SPATA6: variants seen among roughly 807,000 people sequenced by gnomAD.
SPATA6 encodes the protein spermatogenesis associated 6, also known as spermatogenesis-associated protein 6.
SPATA6 carries 56 observed loss-of-function variants against 65.3 expected under a neutral mutation model. That is an observed-to-expected ratio of 0.86 (90% CI 0.69 to 1.07). The LOEUF (loss-of-function observed/expected upper bound fraction) is 1.07, where lower values mean the gene tolerates loss of function less well. Ranked by LOEUF, SPATA6 falls within the 50% of genes least tolerant of loss-of-function variation. SPATA6 has a pLI of 0.00. For missense variants in SPATA6, 590 were observed against 594.8 expected, an observed-to-expected ratio of 0.99 and a Z score of 0.08; for synonymous variants, 199 against 213.2, an observed-to-expected ratio of 0.93 and a Z score of 0.58.
At chr1:48,347,586 T>C (rs1002412364) in intron 11 of SPATA6, among the ~76,000 whole-genome samples, 2 of 149,988 alleles carry the variant, frequency 1.3e-5, no homozygotes, top group African/African-American at 2.4e-5. Flanking sequence ...AAAGTATATA[T>C]TTTAACTTTG....
At chr1:48,469,474 A>T (rs1219412544) in intron 1 of SPATA6, among the ~76,000 whole-genome samples, 11 of 642 alleles carry the variant, frequency 0.017, no homozygotes, top group Non-Finnish European at 0.056. Context: ...ATATCTATTT[A>T]TATATATATA....
At chr1:48,360,938 G>A (rs998143039) in intron 9 of SPATA6, among the ~76,000 whole-genome samples, 3 of 152,042 alleles carry the variant, frequency 2.0e-5, no homozygotes, top group Non-Finnish European at 4.4e-5. Context: ...AGAAGGGTTG[G>A]GTTTGTATGA....
intron 12 of SPATA6, among the ~76,000 whole-genome samples, chr1:48,299,578 A>G (rs1401359937): frequency 6.6e-6 from 1 of 150,412 alleles, no homozygotes; most frequent in Admixed American, 6.7e-5. Context: ...CTGAAACTGA[A>G]TTCCAGCTCA....
At chr1:48,446,630 T>C (rs1211293593) in intron 3 of SPATA6, among the ~76,000 whole-genome samples, 2 of 152,182 alleles carry the variant, frequency 1.3e-5, no homozygotes, top group African/African-American at 4.8e-5. Context: ...GAAAGAAGAT[T>C]GAATTTGGTT....
Position 48,389,773 on chromosome 1 carries a change from G to C in SPATA6, c.869-4424C>G, listed in dbSNP as rs150360113. Among the ~76,000 whole-genome samples the C allele has an allele frequency of 2.8e-3, 427 of 152,238 alleles. 1 individual carries two copies. Among genetic ancestry groups the C allele is most frequent in the Non-Finnish European group, 3.5e-3 (237 of 68,016 alleles). ...CATCACCAGTAAGCCAGCCCTACAA[G>C]ATGTGATCAAGGGAACTCTAAACCT... On this transcript the variant is annotated intron_variant, in intron 8 of 12. Coordinates refer to ENST00000371847, the MANE Select transcript of SPATA6 (RefSeq NM_019073.4).
intron 5 of SPATA6, among the ~76,000 whole-genome samples, chr1:48,406,403 A>C (rs1651709026): frequency 6.6e-6 from 1 of 152,226 alleles, no homozygotes; most frequent in Non-Finnish European, 1.5e-5. Context: ...AATACTTTTT[A>C]GAATAACATC....
chr1:48,264,249 A>G, the SPATA6 span, among the ~76,000 whole-genome samples: 87,185 of 151,996 alleles, frequency 0.57, 26,139 homozygotes, highest in East Asian at 0.79. Context: ...TGGGGGAAGA[A>G]GACAAAATTT....
chr1:48,283,240 G>C, the SPATA6 span, among the ~76,000 whole-genome samples: 1 of 150,768 alleles, frequency 6.6e-6, no homozygotes, highest in Non-Finnish European at 1.5e-5. Flanking sequence ...GCTAAATGAC[G>C]AGTTGATGGG....
chr1:48,263,805 C>T, the SPATA6 span, among the ~76,000 whole-genome samples: 4 of 152,132 alleles, frequency 2.6e-5, no homozygotes, highest in African/African-American at 9.7e-5. Flanking sequence ...TCTGTGAGAA[C>T]ATTTAAGAAG....
rs553989011 is a variant in SPATA6, at chr1:48,397,590, T to C, written c.780+1761A>G. Among the ~76,000 whole-genome samples the C allele has an allele frequency of 3.3e-5, 5 of 151,828 alleles. No individual in the cohort carries two copies. In the East Asian group the frequency reaches 9.6e-4, roughly 29 times the overall value. On this transcript the variant is annotated intron_variant, in intron 7 of 12. Transcript: ENST00000371847. ...TTCATACCATGTACATTGACTACAA[T>C]GTCTTTCCTAAAAGTGTTACATTTT... is the stretch of plus-strand genomic sequence containing the variant.
the SPATA6 span, among the ~76,000 whole-genome samples, chr1:48,273,963 T>A: frequency 6.6e-6 from 1 of 152,202 alleles, no homozygotes; most frequent in African/African-American, 2.4e-5. Flanking sequence ...CCCCCAACAG[T>A]GTAAAAGCAT....
intron 9 of SPATA6, among the ~76,000 whole-genome samples, chr1:48,365,429 G>A (rs1275576569): frequency 6.6e-6 from 1 of 152,184 alleles, no homozygotes; most frequent in Non-Finnish European, 1.5e-5. Context: ...TCCTACCCAT[G>A]AGCATGGAAT....
chr1:48,458,604 C>T (rs1657181294), intron 1 of SPATA6, among the ~76,000 whole-genome samples: 1 of 151,888 alleles, frequency 6.6e-6, no homozygotes, highest in Admixed American at 6.6e-5. Context: ...ATATTATTCA[C>T]CATAAAAAGA....
intron 11 of SPATA6, among the ~76,000 whole-genome samples, chr1:48,341,959 A>G (rs932759955): frequency 1.3e-5 from 2 of 152,214 alleles, no homozygotes; most frequent in African/African-American, 4.8e-5. Flanking sequence ...TACTGTGTAC[A>G]TGTTCACCAA....
chr1:48,315,782 T>G (rs1249208386), intron 11 of SPATA6, among the ~76,000 whole-genome samples: 1 of 152,164 alleles, frequency 6.6e-6, no homozygotes, highest in African/African-American at 2.4e-5. Context: ...ATTGTATATC[T>G]AGAAAACCCC....
At chr1:48,370,452 A>C (rs532633404) in intron 9 of SPATA6, among the ~76,000 whole-genome samples, 1 of 152,374 alleles carries the variant, frequency 6.6e-6, no homozygotes, top group East Asian at 1.9e-4. Flanking sequence ...TGAATCTTAC[A>C]TCAAGTAAAA....
chr1:48,447,636 A>T (rs72897210), intron 3 of SPATA6, among the ~76,000 whole-genome samples: 3,766 of 152,294 alleles, frequency 0.025, 101 homozygotes, highest in African/African-American at 0.067. Flanking sequence ...GAACATCCTC[A>T]AGATCATAGG....
Position 48,385,361 on chromosome 1 carries a change from A to G in SPATA6, c.869-12T>C, listed in dbSNP as rs1016063199. 1.3e-5 allele frequency: 21 copies of G among 1,606,628 alleles called. No individual in the cohort carries two copies. The highest frequency in any genetic ancestry group is 1.7e-5 in the Non-Finnish European group (20 of 1,177,240). On this transcript the variant is annotated splice_polypyrimidine_tract_variant and intron_variant, in intron 8 of 12. Coordinates refer to ENST00000371847, the MANE Select transcript of SPATA6 (RefSeq NM_019073.4). ...AAGATGAGAATGATCTGAAAAAGGA[A>G]GTACAAAACAATTAAAGTTTAAATT...
intron 1 of SPATA6, among the ~76,000 whole-genome samples, chr1:48,466,336 A>G (rs1657804583): frequency 1.3e-5 from 2 of 152,128 alleles, no homozygotes; most frequent in African/African-American, 4.8e-5. Flanking sequence ...AGTGAATCAG[A>G]AAAAGCAGGT....
Sources: gnomAD v4.1 joint callset for allele counts (sites outside exome capture counted in the v4.1 genomes callset) on GRCh38, gnomAD v4.1.1 for gene constraint, MANE v1.5 for transcripts, NCBI Gene and HGNC (gene_info 2026-07-23, HGNC 2026-07-21) for gene names.